VSX2: variants seen among roughly 807,000 people sequenced by gnomAD.
VSX2 encodes visual system homeobox 2, also known as ceh-10 homeo domain containing homolog.
VSX2 carries 28 observed loss-of-function variants against 32.1 expected under a neutral mutation model. The ratio of observed to expected loss-of-function variants is 0.87; its 90% CI spans 0.65 to 1.20. VSX2 has a LOEUF of 1.20. VSX2 is among the 50% of genes most tolerant of loss of function. The pLI, the probability that VSX2 is intolerant of heterozygous loss-of-function variation, is 0.00. For missense variants in VSX2, 506 were observed against 488.7 expected, an observed-to-expected ratio of 1.04 and a Z score of -0.33; for synonymous variants, 243 against 214.1, an observed-to-expected ratio of 1.14 and a Z score of -1.18.
rs76602157 is a variant in VSX2 at position 74,249,243 on chromosome 14, A to C, written c.579+3955A>C. On this transcript the variant is annotated intron_variant, in intron 3 of 4. Coordinates refer to ENST00000261980, the MANE Select transcript of VSX2 (RefSeq NM_182894.3). ...GTACTCACCATTGTCCCAGATATTA[A>C]GTGCTTTCCATACCTCGTTTCTTCT... Among the ~76,000 whole-genome samples, 3,503 of 152,264 alleles carry C rather than the reference A, an allele frequency of 0.023. 486 individuals carry two copies. The East Asian group carries it at 0.4, about 18-fold the overall frequency.
chr14:74,260,625 C>T lies in VSX2; in HGVS notation c.792C>T (p.Ala264=), dbSNP rs769079054. Residue 264 remains alanine (A), a synonymous_variant, in exon 5 of 5, where the codon GCC becomes GCT. Coordinates refer to ENST00000261980, the MANE Select transcript of VSX2 (RefSeq NM_182894.3). ...ACAAAAAGTCGCTGGAGGCAGCAGCCGAGTCGGGGAGGAAGCCCGAGGGGG... is the reference window on the plus strand; with the variant it reads ...ACAAAAAGTCGCTGGAGGCAGCAGCTGAGTCGGGGAGGAAGCCCGAGGGGG... ...GMHKKSLEAA[A]ESGRKPEGER... The T allele has an allele frequency of 5.0e-6, 8 of 1,606,716 alleles. No individual in the cohort carries two copies. The highest frequency in any genetic ancestry group is 4.5e-5 in the South Asian group (4 of 89,354).
Position 74,260,961 on chromosome 14 carries a change from T to C in VSX2, c.*42T>C. On this transcript the variant is annotated 3_prime_UTR_variant, in exon 5 of 5. Transcript: ENST00000261980. ...ATGCCGGAGCCCCAAGACTCTGCTC[T>C]CCTCGGGCCCTGTGGTGCTGGGAGA... 6.5e-7 allele frequency: 1 copy of C among 1,545,864 alleles called. No homozygotes were observed. The highest frequency in any genetic ancestry group is 1.2e-5 in the South Asian group (1 of 83,888).
chr14:74,245,157 C>T lies in VSX2; in HGVS notation c.456-8C>T. On this transcript the variant is annotated splice_region_variant and splice_polypyrimidine_tract_variant and intron_variant, in intron 2 of 4. Transcript: ENST00000261980. ...GGGGTCCTGAGTGTTCGGTCTTGCT[C>T]CCCTCAGGACAATCTTTACCTCCTA... 1 of 1,613,558 alleles carries T rather than the reference C, an allele frequency of 6.2e-7. No homozygotes were observed. Among genetic ancestry groups the T allele is most frequent in the East Asian group, 2.2e-5 (1 of 44,858 alleles).
intron 1 of VSX2, 120 bp downstream of exon 1, chr14:74,240,051 G>A (rs2079139267): frequency 3.0e-6 from 4 of 1,353,474 alleles, no homozygotes; most frequent in South Asian, 2.9e-5. Flanking sequence ...CAGGCCGGGG[G>A]TCGCCGCCTG....
At chr14:74,242,009 C>T (rs1374760409) in intron 2 of VSX2, among the ~76,000 whole-genome samples, 1 of 152,146 alleles carries the variant, frequency 6.6e-6, no homozygotes, top group African/African-American at 2.4e-5. Context: ...AGTTAAAACT[C>T]AGTAGATGCC....
chr14:74,257,628 G>A (rs1262521081), intron 3 of VSX2, among the ~76,000 whole-genome samples: 3 of 151,972 alleles, frequency 2.0e-5, no homozygotes, highest in Non-Finnish European at 1.5e-5. Context: ...GGCCGGCCGC[G>A]CTCCGCCGCA....
rs374436224 is a variant in VSX2, at chr14:74,260,944, G to T, written c.*25G>T. ...GGTCAAGGCGCGCTCAGATGCCGGA[G>T]CCCCAAGACTCTGCTCTCCTCGGGC... On this transcript the variant is annotated 3_prime_UTR_variant, in exon 5 of 5. Transcript: ENST00000261980. The T allele has an allele frequency of 1.3e-6, 2 of 1,549,144 alleles. No individual in the cohort carries two copies. The highest frequency in any genetic ancestry group is 1.7e-6 in the Non-Finnish European group (2 of 1,146,986).
intron 3 of VSX2, among the ~76,000 whole-genome samples, chr14:74,247,041 T>G (rs1428641647): frequency 1.3e-5 from 2 of 151,978 alleles, no homozygotes; most frequent in Non-Finnish European, 2.9e-5. Flanking sequence ...TGAGGAGAGC[T>G]CATCGCCCTG....
rs777105103 is a variant in VSX2, at chr14:74,245,294, A to G, written c.579+6A>G. The G allele has an allele frequency of 3.1e-6, 5 of 1,613,160 alleles. No homozygotes were observed. In the South Asian group the frequency reaches 4.4e-5, roughly 14 times the overall value. On this transcript the variant is annotated splice_donor_region_variant and intron_variant, in intron 3 of 4. Transcript: ENST00000261980. ...TGCCGGAAGACAGGATACAGGTAAC[A>G]GCCCTGAGCCCCTCTCCCCTCCACT...
rs566968640 is a variant in VSX2, at chr14:74,239,879, G to A, written c.318G>A (p.Gln106=). 2 of 1,576,188 alleles carry A rather than the reference G, an allele frequency of 1.3e-6. No homozygotes were observed. Among genetic ancestry groups the A allele is most frequent in the South Asian group, 2.3e-5 (2 of 86,100 alleles). ...CCGACCCGCAGAGCGTCCACTTGCAGCCATTGGGCAGAGCATCGGGGCCGC... is the reference window on the plus strand; with the variant it reads ...CCGACCCGCAGAGCGTCCACTTGCAACCATTGGGCAGAGCATCGGGGCCGC... ...VLSDPQSVHL[Q]PLGRASGPLD... is the part of the protein sequence containing the mutation. The change falls in exon 1 of 5, where the codon CAG becomes CAA. Residue 106 remains glutamine (Q), a synonymous_variant. Transcript: ENST00000261980.
chr14:74,254,087 G>A (rs541748029), intron 3 of VSX2, among the ~76,000 whole-genome samples: 1 of 152,240 alleles, frequency 6.6e-6, no homozygotes, highest in Non-Finnish European at 1.5e-5. Flanking sequence ...CCCCTGTACT[G>A]GAGCCTTAAG....
At chr14:74,245,611 G>C (rs1290831778) in intron 3 of VSX2, among the ~76,000 whole-genome samples, 1 of 151,982 alleles carries the variant, frequency 6.6e-6, no homozygotes, top group Non-Finnish European at 1.5e-5. Flanking sequence ...GGTCTCTGTT[G>C]AGGCGGAGGT....
At chr14:74,257,052 G>A (rs939876777) in intron 3 of VSX2, among the ~76,000 whole-genome samples, 2 of 152,040 alleles carry the variant, frequency 1.3e-5, no homozygotes, top group Non-Finnish European at 2.9e-5. Context: ...AAGCAGATAC[G>A]CTAAGGGGAG....
intron 1 of VSX2, among the ~76,000 whole-genome samples, 165 bp from the exon 2 acceptor site, chr14:74,241,017 T>G (rs1405907262): frequency 6.6e-6 from 1 of 152,136 alleles, no homozygotes; most frequent in African/African-American, 2.4e-5. Context: ...GAGGTCAGCC[T>G]GAGCTCAGGG....
chr14:74,247,557 A>G (rs1403755073), intron 3 of VSX2, among the ~76,000 whole-genome samples: 4 of 152,150 alleles, frequency 2.6e-5, no homozygotes, highest in Non-Finnish European at 5.9e-5. Context: ...AAGACCATGA[A>G]TTTCCTTTGA....
chr14:74,251,647 G>A (rs2079229741), intron 3 of VSX2, among the ~76,000 whole-genome samples: 1 of 152,156 alleles, frequency 6.6e-6, no homozygotes, highest in Non-Finnish European at 1.5e-5. Context: ...GGGGTTTGGG[G>A]TGAGGAAGGA....
intron 3 of VSX2, among the ~76,000 whole-genome samples, chr14:74,248,296 T>G (rs1594755507): frequency 3.3e-5 from 4 of 122,460 alleles, no homozygotes; most frequent in Admixed American, 2.1e-4. Flanking sequence ...GAATCTGAGG[T>G]GGGAGGATTG....
chr14:74,239,827 C>G lies in VSX2; in HGVS notation c.266C>G (p.Thr89Arg), dbSNP rs937633296. Residue 89 changes from threonine to arginine, a missense_variant, in exon 1 of 5, where the codon ACG becomes AGG. Coordinates refer to ENST00000261980, the MANE Select transcript of VSX2 (RefSeq NM_182894.3). ...LGPGGLPGFY[T>R]QPTFLEVLSD... ...CCCGGGGGGCTCCCTGGCTTCTACA[C>G]GCAGCCCACCTTCCTGGAAGTGCTG... The G allele has an allele frequency of 2.5e-6, 4 of 1,575,842 alleles. No homozygotes were observed. The African/African-American group carries it at 4.0e-5, about 16-fold the overall frequency.
intron 3 of VSX2, among the ~76,000 whole-genome samples, chr14:74,252,198 T>G (rs887717622): frequency 5.9e-5 from 9 of 152,190 alleles, no homozygotes; most frequent in African/African-American, 2.2e-4. Context: ...TCCTGCTGAT[T>G]GCCCACGTCG....
Sources: gnomAD v4.1 joint callset for allele counts (sites outside exome capture counted in the v4.1 genomes callset) on GRCh38, gnomAD v4.1.1 for gene constraint, MANE v1.5 for transcripts, NCBI Gene and HGNC (gene_info 2026-07-23, HGNC 2026-07-21) for gene names.